GSG1L: variants seen among roughly 807,000 people sequenced by gnomAD.
GSG1L encodes the protein GSG1 like.
Under a neutral mutation model 42.1 loss-of-function variants are expected in GSG1L, and 24 were observed. That is an observed-to-expected ratio of 0.57 (90% CI 0.41 to 0.80). GSG1L has a LOEUF of 0.80. Among genes scored for constraint, GSG1L ranks in the 30% least tolerant of loss-of-function variants. The probability of loss-of-function intolerance (pLI) is 0.00; values close to 1 mark genes in which losing one functional copy is unlikely to be tolerated. For missense variants in GSG1L, 445 were observed against 472.2 expected (o/e 0.94, Z 0.53); for synonymous variants, 215 against 203.5 (o/e 1.06, Z -0.48).
intron 5 of GSG1L, among the ~76,000 whole-genome samples, chr16:27,816,837 C>G (rs1461852483): frequency 6.6e-6 from 1 of 152,186 alleles, no homozygotes; most frequent in African/African-American, 2.4e-5. Context: ...CGACTCCCAG[C>G]AGGCAGGGGA....
intron 6 of GSG1L, among the ~76,000 whole-genome samples, chr16:27,792,727 G>T (rs537770764): frequency 8.5e-5 from 13 of 152,190 alleles, no homozygotes; most frequent in Admixed American, 2.6e-4. Flanking sequence ...ACTGAGCCCA[G>T]AATGTATGCA....
intron 1 of GSG1L, among the ~76,000 whole-genome samples, chr16:27,995,968 G>A (rs185861307): frequency 1.3e-5 from 2 of 152,024 alleles, no homozygotes; most frequent in Non-Finnish European, 2.9e-5. Context: ...GGGAGGCCAA[G>A]ATGGGAGGAT....
chr16:27,856,231 G>C (rs1184771814), intron 3 of GSG1L, among the ~76,000 whole-genome samples: 1 of 152,158 alleles, frequency 6.6e-6, no homozygotes, highest in Non-Finnish European at 1.5e-5. Context: ...ATATCCTTGT[G>C]GTGGGGAGGG....
At chr16:27,990,898 A>G (rs1171675098) in intron 1 of GSG1L, among the ~76,000 whole-genome samples, 1 of 152,170 alleles carries the variant, frequency 6.6e-6, no homozygotes, top group Non-Finnish European at 1.5e-5. Context: ...GTGCACATGT[A>G]CCCTAAAACT....
chr16:27,908,699 C>T (rs1474268621), intron 2 of GSG1L, among the ~76,000 whole-genome samples: 1 of 152,188 alleles, frequency 6.6e-6, no homozygotes, highest in Non-Finnish European at 1.5e-5. Flanking sequence ...AGCATTAATC[C>T]ATTCATGAGG....
intron 1 of GSG1L, among the ~76,000 whole-genome samples, chr16:28,056,466 C>G (rs9939109): frequency 9.6e-6 from 1 of 104,340 alleles, no homozygotes; most frequent in South Asian, 3.9e-4. Context: ...CCGGGGCCTG[C>G]TGTTGGGTGG....
rs148639368 is a variant in GSG1L at position 27,964,951 on chromosome 16, G to A, written c.350-1748C>T. ...GAGTATAATTGAATTGTTTGCCTGT[G>A]TCAAAACATCTCATGTACCCCATAA... On this transcript the variant is annotated intron_variant, in intron 1 of 6. Transcript: ENST00000447459. Among the ~76,000 whole-genome samples, 680 of 152,242 alleles carry A rather than the reference G, an allele frequency of 4.5e-3. 7 individuals carry two copies. Among genetic ancestry groups the A allele is most frequent in the African/African-American group, 0.015 (624 of 41,532 alleles).
chr16:27,813,797 G>A (rs55821635), intron 5 of GSG1L, among the ~76,000 whole-genome samples: 4,876 of 152,360 alleles, frequency 0.032, 170 homozygotes, highest in Admixed American at 0.078. Flanking sequence ...GGGGACAAGG[G>A]TAGGCTTTGG....
At chr16:27,955,882 GAGGAAGGAAGGAAGGAAGGA>G (rs759855179) in intron 2 of GSG1L, among the ~76,000 whole-genome samples, 3 of 111,016 alleles carry the variant, frequency 2.7e-5, no homozygotes, top group South Asian at 3.7e-4. Context: ...CATAAGAGAA[GAGGAAGGAAGGAAGGAAGGA>G]AGGAAGGAAG....
intron 6 of GSG1L, among the ~76,000 whole-genome samples, chr16:27,800,385 C>T (rs777870989): frequency 1.3e-5 from 2 of 152,230 alleles, no homozygotes; most frequent in East Asian, 3.8e-4. Flanking sequence ...CAGCATGCGA[C>T]AGCCTCTCGT....
intron 3 of GSG1L, among the ~76,000 whole-genome samples, chr16:27,883,133 AAAAAAAGAG>A (rs55838863): frequency 0.5 from 67,996 of 136,472 alleles, 17,508 homozygotes; most frequent in East Asian, 0.63. Context: ...AAAAAAAAAA[AAAAAAAGAG>A]AGAGAGAGAA....
intron 1 of GSG1L, among the ~76,000 whole-genome samples, chr16:28,039,972 T>G (rs1477157963): frequency 6.6e-6 from 1 of 152,154 alleles, no homozygotes; most frequent in African/African-American, 2.4e-5. Context: ...CTCGTTTTTC[T>G]CCATCTCAGT....
At chr16:27,889,861 C>T (rs981689616) in intron 2 of GSG1L, among the ~76,000 whole-genome samples, 8 of 152,284 alleles carry the variant, frequency 5.3e-5, no homozygotes, top group East Asian at 1.9e-4. Flanking sequence ...TGATCTTAGA[C>T]ACAAAAATTT....
At chr16:27,901,318 C>T (rs947228176) in intron 2 of GSG1L, among the ~76,000 whole-genome samples, 2 of 152,172 alleles carry the variant, frequency 1.3e-5, no homozygotes, top group Admixed American at 6.5e-5. Context: ...CGATTGGTGT[C>T]AAAGCCCCAG....
chr16:27,946,596 AGAGAGAGAGAGAG>A (rs1471700621), intron 2 of GSG1L, among the ~76,000 whole-genome samples: 1 of 7,804 alleles, frequency 1.3e-4, no homozygotes, highest in African/African-American at 5.2e-4. Context: ...AGAGAGAGAG[AGAGAGAGAGAGAG>A]AGAGAGAGAG....
chr16:27,815,436 C>A (rs1354362053), intron 5 of GSG1L, among the ~76,000 whole-genome samples: 2 of 152,200 alleles, frequency 1.3e-5, no homozygotes, highest in Admixed American at 1.3e-4. Flanking sequence ...GTAGAGCCTG[C>A]AGAAACACAA....
chr16:27,994,844 C>T (rs139411586), intron 1 of GSG1L, among the ~76,000 whole-genome samples: 4 of 152,320 alleles, frequency 2.6e-5, no homozygotes, highest in Admixed American at 6.5e-5. Context: ...TTGCACATAA[C>T]GGAGCACCAT....
chr16:27,814,391 C>T (rs573984554), intron 5 of GSG1L, among the ~76,000 whole-genome samples: 41 of 152,294 alleles, frequency 2.7e-4, no homozygotes, highest in African/African-American at 8.2e-4. Context: ...GGATTACAGG[C>T]GTGAGCCACT....
At chr16:27,792,425 C>T (rs923752429) in intron 6 of GSG1L, among the ~76,000 whole-genome samples, 1 of 152,170 alleles carries the variant, frequency 6.6e-6, no homozygotes, top group African/African-American at 2.4e-5. Context: ...CACTCTCACT[C>T]CTTCGTGTTT....
Sources: allele counts gnomAD v4.1 joint callset (sites outside exome capture counted in the v4.1 genomes callset), GRCh38; gene constraint gnomAD v4.1.1; transcripts MANE v1.5; gene names NCBI Gene and HGNC (gene_info 2026-07-23, HGNC 2026-07-21).